The following DGKB variants were observed in gnomAD, a reference collection of about 807,000 sequenced individuals.
The protein encoded by DGKB is diacylglycerol kinase beta.
A neutral mutation model predicts 114.3 loss-of-function variants in DGKB; 67 were observed. The ratio of observed to expected loss-of-function variants is 0.59; its 90% CI spans 0.48 to 0.72. The LOEUF is 0.72. Ranked by LOEUF, DGKB falls within the 30% of genes least tolerant of loss-of-function variation. DGKB has a pLI of 0.00. For synonymous variants in DGKB, 398 were observed against 323.1 expected (o/e 1.23, Z -2.49); for missense variants, 907 against 975.2 (o/e 0.93, Z 0.93).
intron 20 of DGKB, among the ~76,000 whole-genome samples, chr7:14,500,505 T>C (rs1563333881): frequency 6.6e-6 from 1 of 151,588 alleles, no homozygotes; most frequent in Non-Finnish European, 1.5e-5. Context: ...TTTCCTAAAA[T>C]AGTACAATCA....
At chr7:14,270,039 CT>C (rs1162657519) in intron 23 of DGKB, among the ~76,000 whole-genome samples, 1 of 50,044 alleles carries the variant, frequency 2.0e-5, no homozygotes, top group East Asian at 6.0e-4. Context: ...TATTATAAGG[CT>C]TTTTTTGCAA....
Position 14,588,348 on chromosome 7 carries a change from C to A in DGKB, c.1434-5211G>T, listed in dbSNP as rs1456656274. 9.2e-5 allele frequency among the ~76,000 whole-genome samples: 14 copies of A among 151,828 alleles called. No individual in the cohort carries two copies. In the East Asian group the frequency reaches 2.7e-3, roughly 30 times the overall value. ...AATGTGTATTTTAATGAATAAGAAC[C>A]TAGTTTTAATATTCAATTTCATCAT... On this transcript the variant is annotated intron_variant, in intron 17 of 25. Coordinates refer to ENST00000402815, the MANE Select transcript of DGKB (RefSeq NM_001350709.2).
intron 6 of DGKB, among the ~76,000 whole-genome samples, chr7:14,708,309 A>G (rs1826654887): frequency 8.5e-6 from 1 of 117,626 alleles, no homozygotes; most frequent in African/African-American, 3.7e-5. Context: ...TCAAGGAAAT[A>G]AAAGAGGATA....
At chr7:14,701,571 G>A (rs1374954987) in intron 7 of DGKB, 110 bp downstream of exon 7, 10 of 765,118 alleles carry the variant, frequency 1.3e-5, no homozygotes, top group Middle Eastern at 6.0e-4. Context: ...ATGAGTGGAT[G>A]TAAATTACAT....
intron 17 of DGKB, among the ~76,000 whole-genome samples, chr7:14,589,516 A>AT (rs1197658231): frequency 6.6e-6 from 1 of 151,860 alleles, no homozygotes; most frequent in African/African-American, 2.4e-5. Flanking sequence ...TGTTATTGAG[A>AT]TTTTATTTTT....
intron 20 of DGKB, among the ~76,000 whole-genome samples, chr7:14,570,905 A>G (rs1448373626): frequency 6.6e-6 from 1 of 152,172 alleles, no homozygotes. Flanking sequence ...GTTTCCTAAT[A>G]TAAGGGTTTT....
chr7:14,585,787 T>C (rs1800662596), intron 17 of DGKB, among the ~76,000 whole-genome samples: 1 of 152,188 alleles, frequency 6.6e-6, no homozygotes, highest in Non-Finnish European at 1.5e-5. Flanking sequence ...TATCGCAATA[T>C]TTCAAGCTTT....
At chr7:14,525,750 T>C (rs1007566990) in intron 20 of DGKB, among the ~76,000 whole-genome samples, 3 of 152,330 alleles carry the variant, frequency 2.0e-5, no homozygotes, top group African/African-American at 4.8e-5. Context: ...ATTTGTGTAA[T>C]AGAAAAATTT....
intron 1 of DGKB, among the ~76,000 whole-genome samples, chr7:14,973,696 T>C (rs1188964951): frequency 6.7e-6 from 1 of 150,360 alleles, no homozygotes; most frequent in Non-Finnish European, 1.5e-5. Flanking sequence ...TAAGAAATTA[T>C]AAGACATCAA....
chr7:14,239,256 A>G (rs563823296), intron 23 of DGKB, among the ~76,000 whole-genome samples: 4 of 152,016 alleles, frequency 2.6e-5, no homozygotes, highest in Admixed American at 2.6e-4. Context: ...CAGTTGGAAC[A>G]TCATGTTTTT....
rs1781411981 is a variant in DGKB, at chr7:14,145,746, T to A, written c.*3385A>T. 6.6e-6 allele frequency: 1 copy of A among 152,194 alleles called. No individual in the cohort carries two copies. Among genetic ancestry groups the A allele is most frequent in the Non-Finnish European group, 1.5e-5 (1 of 68,032 alleles). 9.4% of individuals were successfully genotyped at this position (152,194 alleles called of 1,614,324 possible). On this transcript the variant is annotated 3_prime_UTR_variant, in exon 26 of 26. Coordinates refer to ENST00000402815, the MANE Select transcript of DGKB (RefSeq NM_001350709.2). ...TGCTGGGATTACAGGCGTAAGCCAT[T>A]GCGCCTGGCCACATTTTCCTTTTTA...
rs1027241005 is a variant in DGKB, at chr7:14,967,016, G to A, written c.-188+7680C>T. Among the ~76,000 whole-genome samples the A allele has an allele frequency of 5.9e-5, 9 of 152,174 alleles. No homozygotes were observed. The East Asian group carries it at 1.4e-3, about 23-fold the overall frequency. ...GTATTTTATTCATTTTATATATAAT[G>A]CAAACCTTTGCAATAAGCCAGTTAT... On this transcript the variant is annotated intron_variant, in intron 1 of 4. Coordinates refer to the DGKB transcript ENST00000437998.
chr7:14,729,710 T>C (rs1218631623), intron 5 of DGKB, among the ~76,000 whole-genome samples: 3 of 152,304 alleles, frequency 2.0e-5, no homozygotes, highest in East Asian at 3.9e-4. Flanking sequence ...TGGGCTCCTG[T>C]AGGCACCTCA....
intron 21 of DGKB, among the ~76,000 whole-genome samples, chr7:14,392,989 G>GTTTTTTTTTTTTTTTTTTTTTT (rs776845811): frequency 6.9e-4 from 7 of 10,178 alleles, no homozygotes; most frequent in Admixed American, 1.5e-3. Flanking sequence ...CCTGTTTTTT[G>GTTTTTTTTTTTTTTTTTTTTTT]TTTTTGTTTT....
intron 1 of DGKB, among the ~76,000 whole-genome samples, chr7:14,858,972 G>A (rs1430816597): frequency 1.3e-5 from 2 of 152,102 alleles, no homozygotes. Flanking sequence ...ATAGGAGACA[G>A]CTTGATAAAT....
intron 17 of DGKB, among the ~76,000 whole-genome samples, chr7:14,598,082 C>G (rs144795190): frequency 6.6e-6 from 1 of 152,244 alleles, no homozygotes; most frequent in South Asian, 2.1e-4. Context: ...AACGTTTATA[C>G]TGATTTTATG....
intron 21 of DGKB, among the ~76,000 whole-genome samples, chr7:14,383,364 T>A (rs1583544472): frequency 6.6e-6 from 1 of 152,252 alleles, no homozygotes; most frequent in South Asian, 2.1e-4. Flanking sequence ...GAATCAGTTT[T>A]AAACTTGTAG....
intron 25 of DGKB, among the ~76,000 whole-genome samples, chr7:14,167,076 T>C (rs1784712617): frequency 6.6e-6 from 1 of 151,956 alleles, no homozygotes; most frequent in East Asian, 1.9e-4. Context: ...CTGAGCGTAG[T>C]AGTGTGTGCC....
chr7:14,187,719 A>G (rs1783661582), intron 23 of DGKB, among the ~76,000 whole-genome samples: 1 of 152,204 alleles, frequency 6.6e-6, no homozygotes, highest in South Asian at 2.1e-4. Context: ...TTATCCCTAC[A>G]AAAGCTACTC....
Sources: gnomAD v4.1 joint callset for allele counts (sites outside exome capture counted in the v4.1 genomes callset) on GRCh38, gnomAD v4.1.1 for gene constraint, MANE v1.5 for transcripts, NCBI Gene and HGNC (gene_info 2026-07-23, HGNC 2026-07-21) for gene names.